TIMP2: variants seen among roughly 807,000 people sequenced by gnomAD.
The protein encoded by TIMP2 is metalloproteinase inhibitor 2.
TIMP2 carries 5 observed loss-of-function variants against 24.3 expected under a neutral mutation model. The observed-to-expected ratio is 0.21, with a 90% CI of 0.11 to 0.43. The LOEUF is 0.43. Ranked by LOEUF, TIMP2 falls within the 20% of genes least tolerant of loss-of-function variation. The pLI, the probability that TIMP2 is intolerant of heterozygous loss-of-function variation, is 1.00. For synonymous variants in TIMP2, 130 were observed against 123.2 expected (o/e 1.06, Z -0.37); for missense variants, 221 against 297.5 (o/e 0.74, Z 1.89).
intron 1 of TIMP2, chr17:78,892,106 T>G (rs1440612428): frequency 6.4e-7 from 1 of 1,551,708 alleles, no homozygotes; most frequent in Non-Finnish European, 8.7e-7. Context: ...ACGTGCTGAC[T>G]GCAGCCTGTC....
At chr17:78,919,781 G>A (rs2070295018) in intron 1 of TIMP2, among the ~76,000 whole-genome samples, 2 of 152,194 alleles carry the variant, frequency 1.3e-5, no homozygotes, top group South Asian at 4.1e-4. Flanking sequence ...CTTGCAGTGA[G>A]CCAAGATAGC....
intron 3 of TIMP2, among the ~76,000 whole-genome samples, chr17:78,869,801 CG>C (rs1282740175): frequency 6.6e-6 from 1 of 152,154 alleles, no homozygotes; most frequent in Non-Finnish European, 1.5e-5. Flanking sequence ...GGAAATAGAG[CG>C]AGACTCTGTC....
rs10592875 is a variant in TIMP2, at chr17:78,917,251, CAAA to C, written c.130+7705_130+7707del. Among the ~76,000 whole-genome samples, 748 of 77,410 alleles carry C rather than the reference CAAA, an allele frequency of 9.7e-3. 4 individuals carry two copies. The highest frequency in any genetic ancestry group is 0.043 in the Middle Eastern group (4 of 92). The allele number at this position is 77,410 out of a possible 152,430, so 50.8% of individuals were successfully genotyped here. A position where few individuals can be genotyped will look rare whatever the true frequency, so the allele number is the denominator to read the frequency against. ...TGGGCGACAGAGCGAGACTCCGTCTCAAAAAAAAAAAAAAAAAAAAATACAAAA... is the reference window on the plus strand; with the variant it reads ...TGGGCGACAGAGCGAGACTCCGTCTCAAAAAAAAAAAAAAAAAATACAAAA... On this transcript the variant is annotated intron_variant, in intron 1 of 4. Transcript: ENST00000262768.
At chr17:78,857,400 C>A (rs1242136753) in intron 4 of TIMP2, 122 bp downstream of exon 4, 1 of 1,362,870 alleles carries the variant, frequency 7.3e-7, no homozygotes, top group East Asian at 2.3e-5. Context: ...CTTCCCAGAG[C>A]CTGGTCTTAG....
chr17:78,855,299 C>A lies in TIMP2; in HGVS notation c.*368G>T. The A allele has an allele frequency of 3.2e-6, 1 of 310,330 alleles. No individual in the cohort carries two copies. The highest frequency in any genetic ancestry group is 6.2e-6 in the Non-Finnish European group (1 of 160,734). 19.2% of individuals were successfully genotyped at this position (310,330 alleles called of 1,614,324 possible). Reference sequence around the variant, plus strand: ...CCCTCAAAAGTTTCTGCAAAATGCACATTTCCAGGCCCTGCCCTAACCCAG... The same window carrying A: ...CCCTCAAAAGTTTCTGCAAAATGCAAATTTCCAGGCCCTGCCCTAACCCAG... On this transcript the variant is annotated 3_prime_UTR_variant, in exon 5 of 5. Coordinates refer to ENST00000262768, the MANE Select transcript of TIMP2 (RefSeq NM_003255.5). The surrounding 1 kb of genome is among the most constrained non-coding windows in gnomAD (Gnocchi z 6.0).
intron 1 of TIMP2, among the ~76,000 whole-genome samples, chr17:78,894,183 C>T (rs1047411627): frequency 4.0e-5 from 6 of 151,398 alleles, no homozygotes; most frequent in Admixed American, 2.0e-4. Context: ...CTTTGAGATA[C>T]GAAGCTCCTA....
chr17:78,887,827 C>T lies in TIMP2; in HGVS notation c.131-13908G>A, dbSNP rs60114133. On this transcript the variant is annotated intron_variant, in intron 1 of 4. Coordinates refer to ENST00000262768, the MANE Select transcript of TIMP2 (RefSeq NM_003255.5). ...CAGCTGTGCCAAAAGCACTTTTTGA[C>T]ACCCGGTCCTTTGATTCAAATGCAT... is the stretch of plus-strand genomic sequence containing the variant. Among the ~76,000 whole-genome samples, 316 of 151,130 alleles carry T rather than the reference C, an allele frequency of 2.1e-3. 6 individuals are homozygous for T. The East Asian group carries it at 0.052, about 25-fold the overall frequency.
chr17:78,873,237 A>T (rs2069699966), intron 2 of TIMP2, among the ~76,000 whole-genome samples: 1 of 151,848 alleles, frequency 6.6e-6, no homozygotes, highest in African/African-American at 2.4e-5. Flanking sequence ...AGTTACTGTC[A>T]ATGACAATAG....
At chr17:78,868,165 A>G (rs1475034261) in intron 3 of TIMP2, among the ~76,000 whole-genome samples, 1 of 152,162 alleles carries the variant, frequency 6.6e-6, no homozygotes, top group East Asian at 1.9e-4. Flanking sequence ...GGATATTTGG[A>G]TTTGGAGTAT....
At chr17:78,873,672 C>A (rs1216333749) in intron 2 of TIMP2, 147 bp downstream of exon 2, 12 of 606,196 alleles carry the variant, frequency 2.0e-5, no homozygotes, top group Non-Finnish European at 3.5e-5. Context: ...TAAGGGAAAT[C>A]GGATCTATTT....
At chr17:78,869,671 C>T (rs1400501937) in intron 3 of TIMP2, among the ~76,000 whole-genome samples, 1 of 151,782 alleles carries the variant, frequency 6.6e-6, no homozygotes, top group Admixed American at 6.6e-5. Flanking sequence ...AAAAATTAGC[C>T]AGGTGTGGTG....
chr17:78,856,334 A>C, intron 4 of TIMP2: 1 of 169,798 alleles, frequency 5.9e-6, no homozygotes, highest in Non-Finnish European at 1.3e-5. Context: ...AAAAGGAAAA[A>C]CTTGCTTTTG....
At chr17:78,880,006 C>T (rs909619720) in intron 1 of TIMP2, among the ~76,000 whole-genome samples, 7 of 151,940 alleles carry the variant, frequency 4.6e-5, no homozygotes, top group Non-Finnish European at 1.0e-4. Context: ...TCACAACCGC[C>T]CCTGGAAAAC....
At chr17:78,867,432 C>G (rs1200750639) in intron 3 of TIMP2, among the ~76,000 whole-genome samples, 1 of 151,964 alleles carries the variant, frequency 6.6e-6, no homozygotes, top group Non-Finnish European at 1.5e-5. Flanking sequence ...AGATCTTACC[C>G]AAGGGGAGAT....
chr17:78,853,951 T>C lies in TIMP2; in HGVS notation c.*1716A>G, dbSNP rs1259635065. The C allele has an allele frequency of 6.6e-6, 1 of 152,278 alleles. No individual in the cohort carries two copies. The allele number at this position is 152,278 out of a possible 1,614,324, so 9.4% of individuals were successfully genotyped here. ...TGACATCTTACCAACTTTAGGTCAC[T>C]GTACAGCATGAAAACGCCCGTGGGG... On this transcript the variant is annotated 3_prime_UTR_variant, in exon 5 of 5. Transcript: ENST00000262768.
At chr17:78,903,911 C>T (rs1387402033) in intron 1 of TIMP2, among the ~76,000 whole-genome samples, 1 of 151,910 alleles carries the variant, frequency 6.6e-6, no homozygotes, top group East Asian at 1.9e-4. Context: ...TGATGACTGG[C>T]ATTGTCAAGA....
chr17:78,917,120 C>T (rs6501269), intron 1 of TIMP2, among the ~76,000 whole-genome samples: 66,936 of 151,822 alleles, frequency 0.44, 15,032 homozygotes, highest in Middle Eastern at 0.5. Flanking sequence ...GGCGTAGTGG[C>T]GGGCGCCTGT....
At chr17:78,893,132 G>GGT (rs1218791531) in intron 1 of TIMP2, among the ~76,000 whole-genome samples, 1 of 148,080 alleles carries the variant, frequency 6.8e-6, no homozygotes, top group Non-Finnish European at 1.5e-5. Flanking sequence ...TGTGTGCAGG[G>GGT]GTGTGTGTGC....
intron 1 of TIMP2, among the ~76,000 whole-genome samples, chr17:78,877,819 T>C (rs900413451): frequency 4.6e-5 from 7 of 151,426 alleles, no homozygotes; most frequent in Non-Finnish European, 7.4e-5. Context: ...TTCTCCTGCC[T>C]CAGCCTCCCA....
Sources: gnomAD v4.1 joint callset for allele counts (sites outside exome capture counted in the v4.1 genomes callset) on GRCh38, gnomAD v4.1.1 for gene constraint, Gnocchi (gnomAD v3.1) non-coding constraint, MANE v1.5 for transcripts, NCBI Gene and HGNC (gene_info 2026-07-23, HGNC 2026-07-21) for gene names.